Variants in GRIA2 observed in about 807,000 individuals in gnomAD.
GRIA2 encodes glutamate ionotropic receptor AMPA type subunit 2.
Under a neutral mutation model 97.3 loss-of-function variants are expected in GRIA2, and 14 were observed. The ratio of observed to expected loss-of-function variants is 0.14; its 90% CI spans 0.10 to 0.23. GRIA2 has a LOEUF of 0.23. Among genes scored for constraint, GRIA2 ranks in the 10% least tolerant of loss-of-function variants. GRIA2 has a pLI of 1.00. For missense variants in GRIA2, 558 were observed against 1,069.8 expected (o/e 0.52, Z 6.67); for synonymous variants, 412 against 387.8 (o/e 1.06, Z -0.73).
At chr4:157,363,291 A>C (rs549313221) in intron 15 of GRIA2, 144 bp from the exon 16 acceptor site, 3 of 556,414 alleles carry the variant, frequency 5.4e-6, no homozygotes, top group Non-Finnish European at 8.4e-6. Context: ...TTTGTAGTTC[A>C]GCTTTGCACT....
At chr4:157,241,222 T>C (rs1164784904) in intron 2 of GRIA2, among the ~76,000 whole-genome samples, 1 of 152,188 alleles carries the variant, frequency 6.6e-6, no homozygotes, top group Non-Finnish European at 1.5e-5. Flanking sequence ...GGATGAAAAT[T>C]ACATTTCCTT....
At chr4:157,348,308 G>A (rs1475529876) in intron 12 of GRIA2, among the ~76,000 whole-genome samples, 1 of 152,086 alleles carries the variant, frequency 6.6e-6, no homozygotes, top group East Asian at 1.9e-4. Flanking sequence ...CTGCAGTGCA[G>A]TGGCATGGTA....
At chr4:157,291,338 G>T (rs1222597769) in intron 2 of GRIA2, among the ~76,000 whole-genome samples, 3 of 151,728 alleles carry the variant, frequency 2.0e-5, no homozygotes, top group African/African-American at 4.8e-5. Context: ...TATTTGCCTT[G>T]TTGCAGCTAT....
intron 2 of GRIA2, among the ~76,000 whole-genome samples, chr4:157,251,998 C>T (rs908166748): frequency 6.6e-6 from 1 of 152,076 alleles, no homozygotes; most frequent in African/African-American, 2.4e-5. Flanking sequence ...GTTGCTTTTG[C>T]ACCATTAGTG....
intron 15 of GRIA2, 22 bp from the exon 16 acceptor site, chr4:157,363,413 T>C: frequency 7.3e-6 from 9 of 1,239,320 alleles, no homozygotes; most frequent in Non-Finnish European, 9.1e-6. Context: ...TTTTTCTTTC[T>C]TTCCCTCCTC....
chr4:157,359,010 T>C (rs187689209), intron 12 of GRIA2, among the ~76,000 whole-genome samples: 29 of 152,324 alleles, frequency 1.9e-4, no homozygotes, highest in Non-Finnish European at 1.9e-4. Context: ...CAAAGTCATC[T>C]TCCCAAAAGG....
chr4:157,342,486 T>C, intron 12 of GRIA2: 1 of 981,454 alleles, frequency 1.0e-6, no homozygotes, highest in Non-Finnish European at 1.2e-6. Context: ...TACCTCAATA[T>C]AAGTGCAAAA....
chr4:157,274,175 C>A (rs1330758309), intron 2 of GRIA2, among the ~76,000 whole-genome samples: 1 of 151,692 alleles, frequency 6.6e-6, no homozygotes, highest in Non-Finnish European at 1.5e-5. Flanking sequence ...ACAAACAAAA[C>A]CTGAGGGAAT....
chr4:157,357,007 C>A (rs547542498), intron 12 of GRIA2, among the ~76,000 whole-genome samples: 15 of 152,236 alleles, frequency 9.9e-5, no homozygotes, highest in Middle Eastern at 6.8e-3. Flanking sequence ...CATGCATCTT[C>A]TTAGATGAGA....
intron 2 of GRIA2, among the ~76,000 whole-genome samples, chr4:157,301,330 A>G (rs1325235013): frequency 6.6e-6 from 1 of 152,236 alleles, no homozygotes; most frequent in Non-Finnish European, 1.5e-5. Context: ...GGTTATTTTC[A>G]ACTCTGTACC....
chr4:157,341,253 C>T lies in GRIA2; in HGVS notation c.1845-11C>T. ...TTTCACTTTACAAATCCATTTCATA[C>T]TTGTTATTAGATCCCTCTCTGGGCG... On this transcript the variant is annotated splice_polypyrimidine_tract_variant and intron_variant, in intron 11 of 15. Transcript: ENST00000264426. The T allele has an allele frequency of 6.3e-7, 1 of 1,589,412 alleles. No homozygotes were observed. The highest frequency in any genetic ancestry group is 8.6e-7 in the Non-Finnish European group (1 of 1,157,968).
intron 2 of GRIA2, among the ~76,000 whole-genome samples, chr4:157,270,480 A>C (rs550271817): frequency 6.6e-6 from 1 of 152,274 alleles, no homozygotes; most frequent in South Asian, 2.1e-4. Flanking sequence ...AAAATAACTT[A>C]AATATCACCA....
At chr4:157,240,442 T>C (rs949862457) in intron 2 of GRIA2, among the ~76,000 whole-genome samples, 1 of 152,136 alleles carries the variant, frequency 6.6e-6, no homozygotes, top group Non-Finnish European at 1.5e-5. Flanking sequence ...TTTCTTGCAC[T>C]GTGAACTTTA....
chr4:157,224,532 TTTTG>T (rs1025142386), intron 2 of GRIA2, among the ~76,000 whole-genome samples: 22 of 152,152 alleles, frequency 1.4e-4, no homozygotes, highest in Non-Finnish European at 2.1e-4. Context: ...TTGTATCCTT[TTTTG>T]TTTGTTTGTT....
intron 2 of GRIA2, among the ~76,000 whole-genome samples, chr4:157,262,862 A>G (rs1188259468): frequency 1.3e-5 from 2 of 152,064 alleles, no homozygotes; most frequent in Non-Finnish European, 2.9e-5. Flanking sequence ...TTCCATGTAT[A>G]TTAATACCTC....
At chr4:157,299,015 G>A (rs913496680) in intron 2 of GRIA2, among the ~76,000 whole-genome samples, 6 of 151,960 alleles carry the variant, frequency 3.9e-5, no homozygotes, top group African/African-American at 1.4e-4. Flanking sequence ...GTAGGAAGAA[G>A]ATAAGGCAGT....
At chr4:157,269,239 G>T (rs948549456) in intron 2 of GRIA2, among the ~76,000 whole-genome samples, 11 of 152,054 alleles carry the variant, frequency 7.2e-5, no homozygotes, top group South Asian at 6.2e-4. Context: ...ACCAAGAAAG[G>T]TCAAAATTAG....
chr4:157,234,058 C>G (rs943562879), intron 2 of GRIA2, among the ~76,000 whole-genome samples: 1 of 152,120 alleles, frequency 6.6e-6, no homozygotes, highest in African/African-American at 2.4e-5. Context: ...TATGGCTTCA[C>G]TATTTACTAG....
intron 2 of GRIA2, among the ~76,000 whole-genome samples, chr4:157,222,196 C>T (rs1729530098): frequency 6.6e-6 from 1 of 152,104 alleles, no homozygotes; most frequent in Admixed American, 6.5e-5. Context: ...ACACGTTGTT[C>T]CCCAGGGCGC....
Sources: allele counts gnomAD v4.1 joint callset (sites outside exome capture counted in the v4.1 genomes callset), GRCh38; gene constraint gnomAD v4.1.1; transcripts MANE v1.5; gene names NCBI Gene and HGNC (gene_info 2026-07-23, HGNC 2026-07-21).